The following IL21R variants were observed in gnomAD, a reference collection of about 807,000 sequenced individuals.
IL21R encodes interleukin 21 receptor.
In IL21R, 14 loss-of-function variants were observed where a neutral mutation model predicts 41.3. The ratio of observed to expected loss-of-function variants is 0.34; its 90% CI spans 0.22 to 0.53. IL21R has a LOEUF of 0.53. Among genes scored for constraint, IL21R ranks in the 20% least tolerant of loss-of-function variants. IL21R has a pLI of 0.94. For missense variants in IL21R, 588 were observed against 681.6 expected, an observed-to-expected ratio of 0.86 and a Z score of 1.53; for synonymous variants, 286 against 287.6, an observed-to-expected ratio of 0.99 and a Z score of 0.05.
chr16:27,444,344 T>A (rs1335944956), intron 5 of IL21R, among the ~76,000 whole-genome samples, 198 bp from the exon 6 acceptor site: 2 of 152,086 alleles, frequency 1.3e-5, no homozygotes, highest in Non-Finnish European at 2.9e-5. Flanking sequence ...TCCTATCACA[T>A]GCACGGGCCA....
chr16:27,438,711 TA>T (rs1275541124), intron 4 of IL21R, among the ~76,000 whole-genome samples: 2 of 151,134 alleles, frequency 1.3e-5, no homozygotes, highest in Non-Finnish European at 2.9e-5. Context: ...CTACTAAAAA[TA>T]CAAAAAAATT....
At chr16:27,419,412 G>A (rs1380820427) in intron 1 of IL21R, among the ~76,000 whole-genome samples, 1 of 152,108 alleles carries the variant, frequency 6.6e-6, no homozygotes, top group African/African-American at 2.4e-5. Context: ...GGACCTGCCT[G>A]AGGCTGTTTT....
rs1246557144 is a variant in IL21R at position 27,450,288 on chromosome 16, C to T, written c.*1005C>T. 1 of 232,232 alleles carries T rather than the reference C, an allele frequency of 4.3e-6. No individual in the cohort carries two copies. Among genetic ancestry groups the T allele is most frequent in the Non-Finnish European group, 8.5e-6 (1 of 117,478 alleles). 14.4% of individuals were successfully genotyped at this position (232,232 alleles called of 1,614,324 possible). On this transcript the variant is annotated 3_prime_UTR_variant, in exon 9 of 9. Coordinates refer to ENST00000337929, the MANE Select transcript of IL21R (RefSeq NM_181078.3). Reference sequence around the variant, plus strand: ...AGTTTTTAAAAATTCCCTTTATGCACCCAAGAGATATTTATTAAACACCAA... The same window carrying T: ...AGTTTTTAAAAATTCCCTTTATGCATCCAAGAGATATTTATTAAACACCAA...
At chr16:27,438,115 G>T (rs1370696028) in intron 4 of IL21R, among the ~76,000 whole-genome samples, 1 of 152,124 alleles carries the variant, frequency 6.6e-6, no homozygotes, top group Admixed American at 6.5e-5. Context: ...GAGCTAGGCT[G>T]GGACCCGGGA....
At chr16:27,431,467 C>T (rs1034108517) in intron 2 of IL21R, among the ~76,000 whole-genome samples, 3 of 152,188 alleles carry the variant, frequency 2.0e-5, no homozygotes, top group African/African-American at 4.8e-5. Flanking sequence ...CCACACTACC[C>T]GGAAGAGGCA....
chr16:27,418,907 AT>A (rs71137795), intron 1 of IL21R, among the ~76,000 whole-genome samples: 112,153 of 149,082 alleles, frequency 0.75, 42,109 homozygotes, highest in East Asian at 0.98. Context: ...ACTTAAAAAA[AT>A]TTTTTTTTGT....
chr16:27,449,826 G>C lies in IL21R; in HGVS notation c.*543G>C, dbSNP rs1409854032. 4.2e-6 allele frequency: 1 copy of C among 235,296 alleles called. No homozygotes were observed. Among genetic ancestry groups the C allele is most frequent in the Non-Finnish European group, 8.4e-6 (1 of 119,294 alleles). 14.6% of individuals were successfully genotyped at this position (235,296 alleles called of 1,614,324 possible). ...TATCACCTGCCAACAGGAAGCGAAA[G>C]GGGATGGAGTGAGCCCATGGTGACC... On this transcript the variant is annotated 3_prime_UTR_variant, in exon 9 of 9. Coordinates refer to ENST00000337929, the MANE Select transcript of IL21R (RefSeq NM_181078.3).
intron 4 of IL21R, among the ~76,000 whole-genome samples, chr16:27,440,015 A>C (rs2087352378): frequency 6.6e-6 from 1 of 151,890 alleles, no homozygotes; most frequent in Non-Finnish European, 1.5e-5. Context: ...GGGAAGACAA[A>C]AGAGGGGTTA....
chr16:27,437,979 A>C lies in IL21R; in HGVS notation c.352+292A>C, dbSNP rs1017328375. Among the ~76,000 whole-genome samples the C allele has an allele frequency of 2.0e-5, 3 of 152,142 alleles. No individual in the cohort carries two copies. The South Asian group carries it at 6.2e-4, about 31-fold the overall frequency. ...TCCCCTACTCCCTGCCCTCTGGGCCAGCTCTCCTCCTTCCATCAGATCTGA... is the reference window on the plus strand; with the variant it reads ...TCCCCTACTCCCTGCCCTCTGGGCCCGCTCTCCTCCTTCCATCAGATCTGA... On this transcript the variant is annotated intron_variant, in intron 4 of 8. Transcript: ENST00000337929.
intron 1 of IL21R, among the ~76,000 whole-genome samples, chr16:27,403,858 C>T (rs1296353036): frequency 6.6e-6 from 1 of 152,210 alleles, no homozygotes; most frequent in Non-Finnish European, 1.5e-5. Context: ...GTTGTAGGCA[C>T]TTAAGCGTCT....
At chr16:27,412,395 CCTT>C (rs1362840684) in intron 1 of IL21R, among the ~76,000 whole-genome samples, 1 of 149,842 alleles carries the variant, frequency 6.7e-6, no homozygotes, top group Admixed American at 6.6e-5. Context: ...TTCTCCTTCT[CCTT>C]CTCCTTCTCC....
intron 4 of IL21R, among the ~76,000 whole-genome samples, chr16:27,439,155 C>A (rs887079922): frequency 3.9e-5 from 6 of 152,060 alleles, no homozygotes; most frequent in Non-Finnish European, 8.8e-5. Context: ...CACCACAGAG[C>A]GTGAGAGTGA....
At chr16:27,428,664 A>G (rs1445690877) in intron 1 of IL21R, among the ~76,000 whole-genome samples, 1 of 152,212 alleles carries the variant, frequency 6.6e-6, no homozygotes, top group African/African-American at 2.4e-5. Flanking sequence ...CTGGTGGGGC[A>G]TTCCTCTGCC....
intron 4 of IL21R, among the ~76,000 whole-genome samples, chr16:27,439,156 G>A (rs1171492414): frequency 2.6e-5 from 4 of 152,062 alleles, no homozygotes; most frequent in Admixed American, 1.3e-4. Context: ...ACCACAGAGC[G>A]TGAGAGTGAA....
At chr16:27,417,793 G>A (rs920893498) in intron 1 of IL21R, among the ~76,000 whole-genome samples, 10 of 151,904 alleles carry the variant, frequency 6.6e-5, no homozygotes, top group Non-Finnish European at 1.2e-4. Flanking sequence ...ATGAAAAAAC[G>A]GCACACCTGT....
In IL21R at chr16:27,444,617, A is replaced by T. The variant is rs2087445577; in HGVS notation, c.583A>T (p.Ser195Cys). Residue 195 changes from serine (S) to cysteine (C), a missense_variant, in exon 6 of 9, where the codon AGC becomes TGC. By Grantham distance (112) the Ser-to-Cys change is moderately radical. Transcript: ENST00000337929. ...CCCCCTGGAGTTCCGCAAAGACTCG[A>T]GCTATGAGCTGCAGGTGCGGGCAGG... ...LLPLEFRKDS[S>C]YELQVRAGPM... The T allele has an allele frequency of 6.3e-7, 1 of 1,588,052 alleles. No homozygotes were observed. Among genetic ancestry groups the T allele is most frequent in the Non-Finnish European group, 8.6e-7 (1 of 1,167,422 alleles).
At chr16:27,447,660 A>T (rs2141316542) in intron 8 of IL21R, 1 of 152,288 alleles carries the variant, frequency 6.6e-6, no homozygotes, top group South Asian at 2.1e-4. Context: ...GATCCACTCC[A>T]CCCATTCATT....
At position 27,428,214 on chromosome 16, in the gene IL21R, G is replaced by A. The variant is rs1176349484; in HGVS notation, c.-16-1842G>A. Among the ~76,000 whole-genome samples the A allele has an allele frequency of 3.9e-5, 6 of 152,278 alleles. No homozygotes were observed. The East Asian group carries it at 1.2e-3, about 29-fold the overall frequency. On this transcript the variant is annotated intron_variant, in intron 1 of 8. Coordinates refer to ENST00000337929, the MANE Select transcript of IL21R (RefSeq NM_181078.3). ...TGAATTCTCACAAGCCTGGAAGCAG[G>A]CCTTGCTGTTTCCACTTTACAAGGC...
At chr16:27,405,306 T>TCCC (rs2086725380) in intron 1 of IL21R, among the ~76,000 whole-genome samples, 5 of 152,188 alleles carry the variant, frequency 3.3e-5, no homozygotes, top group Admixed American at 3.3e-4. Flanking sequence ...GTGCTGGGAT[T>TCCC]ATAGACATGA....
Sources: allele counts gnomAD v4.1 joint callset (sites outside exome capture counted in the v4.1 genomes callset), GRCh38; gene constraint gnomAD v4.1.1; transcripts MANE v1.5; gene names NCBI Gene and HGNC (gene_info 2026-07-23, HGNC 2026-07-21).